The following ZNF407 variants were observed in gnomAD, a reference collection of about 807,000 sequenced individuals.
The protein encoded by ZNF407 is zinc finger protein 407.
A neutral mutation model predicts 131.2 loss-of-function variants in ZNF407; 17 were observed. That is an observed-to-expected ratio of 0.13 (90% CI 0.09 to 0.19). The LOEUF (loss-of-function observed/expected upper bound fraction) is 0.19. ZNF407 is among the 10% of genes least tolerant of loss of function. The pLI is 1.00. For synonymous variants in ZNF407, 1,156 were observed against 1,062.0 expected, an observed-to-expected ratio of 1.09 and a Z score of -1.72; for missense variants, 2,681 against 2,830.6, an observed-to-expected ratio of 0.95 and a Z score of 1.20.
At chr18:74,773,666 C>A (rs1481742153) in intron 3 of ZNF407, among the ~76,000 whole-genome samples, 1 of 152,128 alleles carries the variant, frequency 6.6e-6, no homozygotes, top group Non-Finnish European at 1.5e-5. Context: ...TATTTTGTAC[C>A]ACCAGAAAAT....
At chr18:74,998,063 T>TGCCA (rs1406764756) in intron 8 of ZNF407, among the ~76,000 whole-genome samples, 2 of 152,172 alleles carry the variant, frequency 1.3e-5, no homozygotes, top group Middle Eastern at 3.2e-3. Context: ...AGGAGCCTGG[T>TGCCA]GCCAGCTGCC....
chr18:74,725,161 A>G (rs931077378), intron 3 of ZNF407, among the ~76,000 whole-genome samples: 17 of 152,110 alleles, frequency 1.1e-4, no homozygotes, highest in South Asian at 2.1e-4. Context: ...TTTGAGACAG[A>G]GTTTCACTCC....
At chr18:75,021,955 T>A (rs1435568697) in intron 8 of ZNF407, among the ~76,000 whole-genome samples, 1 of 151,852 alleles carries the variant, frequency 6.6e-6, no homozygotes, top group African/African-American at 2.4e-5. Context: ...TTTTATATAT[T>A]TTTATATAAA....
At chr18:74,954,049 T>C (rs952619602) in intron 8 of ZNF407, among the ~76,000 whole-genome samples, 1 of 152,276 alleles carries the variant, frequency 6.6e-6, no homozygotes. Context: ...ACACATATTT[T>C]AGTCATTGTG....
intron 1 of ZNF407, among the ~76,000 whole-genome samples, chr18:74,622,072 G>T (rs913953722): frequency 6.6e-5 from 10 of 150,960 alleles, no homozygotes; most frequent in Non-Finnish European, 8.9e-5. Flanking sequence ...ATGGAAGAGT[G>T]TTTTTTTTTC....
chr18:74,617,397 A>G (rs1983362926), intron 1 of ZNF407, among the ~76,000 whole-genome samples: 1 of 152,224 alleles, frequency 6.6e-6, no homozygotes, highest in African/African-American at 2.4e-5. Context: ...CTGCCAGCAC[A>G]GGGTCCAGTC....
rs1371985426 is a variant in ZNF407 at position 75,063,743 on chromosome 18, C to T, written c.6022C>T (p.Leu2008Phe). Residue 2008 changes from leucine to phenylalanine, a missense_variant, in exon 9 of 9, where the codon CTC (leucine) becomes TTC (phenylalanine). By Grantham distance (22) the Leu-to-Phe change is conservative. Around this residue, in one of 6 missense-constraint regions of ZNF407, gnomAD observed 620 missense variants for 583.1 expected, o/e 1.06. Coordinates refer to ENST00000299687, the MANE Select transcript of ZNF407 (RefSeq NM_017757.3). This position sits in a 1 kb window ranked among gnomAD's most constrained non-coding sequence, Gnocchi z 6.6. ...AGGGGAGGTGGAGGGCAGGGCTGGGCTCGAGGAGCAAGGCAGGCCCGGCGC... is the reference window on the plus strand; with the variant it reads ...AGGGGAGGTGGAGGGCAGGGCTGGGTTCGAGGAGCAAGGCAGGCCCGGCGC... ...ELGEVEGRAG[L>F]EEQGRPGAKD... 6.8e-6 allele frequency: 11 copies of T among 1,612,134 alleles called. No homozygotes were observed. Among genetic ancestry groups the T allele is most frequent in the Non-Finnish European group, 9.3e-6 (11 of 1,179,780 alleles).
chr18:74,645,341 C>T (rs1056144680), intron 3 of ZNF407, among the ~76,000 whole-genome samples: 1 of 151,760 alleles, frequency 6.6e-6, no homozygotes, highest in African/African-American at 2.4e-5. Context: ...AAATGATAAC[C>T]AAGTTTGATA....
intron 4 of ZNF407, among the ~76,000 whole-genome samples, chr18:74,850,922 C>G (rs993271222): frequency 6.6e-6 from 1 of 152,138 alleles, no homozygotes; most frequent in Non-Finnish European, 1.5e-5. Context: ...GCATTAGGCT[C>G]TCAATAAAGA....
At chr18:74,974,218 G>C (rs368584579) in intron 8 of ZNF407, among the ~76,000 whole-genome samples, 2 of 152,102 alleles carry the variant, frequency 1.3e-5, no homozygotes, top group Non-Finnish European at 2.9e-5. Context: ...TGGTCCTGTC[G>C]TATTAAACAG....
At chr18:74,618,178 C>CTT (rs1288320234) in intron 1 of ZNF407, among the ~76,000 whole-genome samples, 3 of 151,738 alleles carry the variant, frequency 2.0e-5, no homozygotes, top group South Asian at 2.1e-4. Context: ...TTTGTGCTTT[C>CTT]TTTTTTTTCT....
At chr18:74,829,184 A>G (rs1349254337) in intron 4 of ZNF407, among the ~76,000 whole-genome samples, 2 of 152,242 alleles carry the variant, frequency 1.3e-5, no homozygotes, top group East Asian at 3.8e-4. Context: ...TATTAAAAGG[A>G]AATAGAGATG....
chr18:74,692,824 A>G (rs1967259928), intron 3 of ZNF407, among the ~76,000 whole-genome samples: 1 of 151,808 alleles, frequency 6.6e-6, no homozygotes, highest in South Asian at 2.1e-4. Context: ...CCCCTCCCCC[A>G]GAGCAGTGTC....
intron 8 of ZNF407, among the ~76,000 whole-genome samples, chr18:75,010,651 C>T (rs1473840583): frequency 6.6e-6 from 1 of 152,092 alleles, no homozygotes; most frequent in Non-Finnish European, 1.5e-5. Context: ...TGAGGATGCC[C>T]CAGACACTTT....
At chr18:74,969,370 T>C (rs1189385803) in intron 8 of ZNF407, among the ~76,000 whole-genome samples, 1 of 152,238 alleles carries the variant, frequency 6.6e-6, no homozygotes, top group Non-Finnish European at 1.5e-5. Context: ...GTCATGAGAC[T>C]GTAGGTCATA....
chr18:74,797,278 A>G (rs1969937900), intron 4 of ZNF407, among the ~76,000 whole-genome samples: 1 of 152,244 alleles, frequency 6.6e-6, no homozygotes, highest in Admixed American at 6.5e-5. Flanking sequence ...TTATATTAAC[A>G]TAATTTAAAA....
At chr18:74,891,560 T>C (rs1971385135) in intron 7 of ZNF407, among the ~76,000 whole-genome samples, 1 of 152,242 alleles carries the variant, frequency 6.6e-6, no homozygotes, top group Non-Finnish European at 1.5e-5. Context: ...ATTCATTAAT[T>C]ATTCATTCAT....
At position 74,965,937 on chromosome 18, in the gene ZNF407, T is replaced by C. The variant is rs150436664; in HGVS notation, c.5428+45245T>C. Among the ~76,000 whole-genome samples the C allele has an allele frequency of 2.4e-4, 36 of 152,402 alleles. No individual in the cohort carries two copies. In the East Asian group the frequency reaches 6.9e-3, roughly 29 times the overall value. ...CGATGATGTTGAGCACCTTTCCATATGCCTGTTTGCCATTTATGTCTTCTT... is the reference window on the plus strand; with the variant it reads ...CGATGATGTTGAGCACCTTTCCATACGCCTGTTTGCCATTTATGTCTTCTT... On this transcript the variant is annotated intron_variant, in intron 8 of 8. Transcript: ENST00000299687.
At chr18:74,841,075 G>A (rs1006641743) in intron 4 of ZNF407, among the ~76,000 whole-genome samples, 15 of 152,312 alleles carry the variant, frequency 9.8e-5, no homozygotes, top group Admixed American at 2.0e-4. Context: ...GCACTGCTCC[G>A]GTGTGCTGGG....
Sources: gnomAD v4.1 joint callset for allele counts (sites outside exome capture counted in the v4.1 genomes callset) on GRCh38, gnomAD v4.1.1 for gene constraint, gnomAD v4.1.1 regional missense constraint, Gnocchi (gnomAD v3.1) non-coding constraint, MANE v1.5 for transcripts, NCBI Gene and HGNC (gene_info 2026-07-23, HGNC 2026-07-21) for gene names.